FRYL: variants seen among roughly 807,000 people sequenced by gnomAD.
The protein encoded by FRYL is FRY like transcription coactivator.
Under a neutral mutation model 351.2 loss-of-function variants are expected in FRYL, and 150 were observed. The observed-to-expected ratio is 0.43, with a 90% confidence interval of 0.37 to 0.49. The LOEUF (loss-of-function observed/expected upper bound fraction) is 0.49, where lower values mean the gene tolerates loss of function less well. Ranked by LOEUF, FRYL falls within the 20% of genes least tolerant of loss-of-function variation. The pLI is 0.00. For missense variants in FRYL, 3,036 were observed against 3,619.3 expected (o/e 0.84, Z 4.13); for synonymous variants, 1,153 against 1,257.1 (o/e 0.92, Z 1.75).
Position 48,546,288 on chromosome 4 carries a change from G to T in FRYL, c.5075-17C>A. Reference sequence around the variant, plus strand: ...TAATGCCTGCTGAAAGAGAAAGATCGTCATGAATACCTAAAACATGAAAGA... The same window carrying T: ...TAATGCCTGCTGAAAGAGAAAGATCTTCATGAATACCTAAAACATGAAAGA... On this transcript the variant is annotated splice_polypyrimidine_tract_variant and intron_variant, in intron 41 of 63. Coordinates refer to ENST00000358350, the MANE Select transcript of FRYL (RefSeq NM_015030.2). 1 of 1,571,894 alleles carries T rather than the reference G, an allele frequency of 6.4e-7. No homozygotes were observed. Among genetic ancestry groups the T allele is most frequent in the Non-Finnish European group, 8.8e-7 (1 of 1,142,526 alleles).
chr4:48,674,753 A>AAAAAAAAAAAAAC, intron 3 of FRYL, among the ~76,000 whole-genome samples: 1 of 151,056 alleles, frequency 6.6e-6, no homozygotes. Context: ...AAAAAAAAAA[A>AAAAAAAAAAAAAC]AAAATAGCAA....
chr4:48,703,312 G>C (rs981527932), intron 2 of FRYL, among the ~76,000 whole-genome samples: 1 of 152,118 alleles, frequency 6.6e-6, no homozygotes. Flanking sequence ...AGAACTGAAA[G>C]AATTTTATAA....
chr4:48,593,898 G>T, intron 16 of FRYL, 32 bp downstream of exon 16: 1 of 1,039,968 alleles, frequency 9.6e-7, no homozygotes, highest in South Asian at 2.2e-5. Context: ...AAAAATCTAG[G>T]ATTTTATATT....
chr4:48,714,630 A>G (rs12018850), intron 1 of FRYL, among the ~76,000 whole-genome samples: 1 of 149,758 alleles, frequency 6.7e-6, no homozygotes, highest in Non-Finnish European at 1.5e-5. Context: ...GCAATAATCA[A>G]TAGCTTACCA....
chr4:48,681,255 G>T, intron 3 of FRYL: 1 of 281,840 alleles, frequency 3.5e-6, no homozygotes, highest in Non-Finnish European at 6.4e-6. Context: ...TTTAGGCGGT[G>T]CTAAACCCCA....
chr4:48,521,183 T>C lies in FRYL; in HGVS notation c.7554A>G (p.Ile2518Met). The C allele has an allele frequency of 3.7e-6, 6 of 1,611,710 alleles. No homozygotes were observed. The highest frequency in any genetic ancestry group is 5.1e-6 in the Non-Finnish European group (6 of 1,178,586). The change falls in exon 55 of 64, where the codon ATA becomes ATG. Residue 2518 changes from isoleucine (I) to methionine (M), a missense_variant. By Grantham distance (10) the Ile-to-Met change is conservative. Coordinates refer to ENST00000358350, the MANE Select transcript of FRYL (RefSeq NM_015030.2). Reference sequence around the variant, plus strand: ...GGAGAAGTAAGTCAGGATGGTCTGGTATTGTTTCATCAGTGGCAGAATCAC... The same window carrying C: ...GGAGAAGTAAGTCAGGATGGTCTGGCATTGTTTCATCAGTGGCAGAATCAC... ...LNSDSATDET[I>M]PDHPDLLLQS... is the part of the protein sequence containing the mutation.
chr4:48,589,952 TA>T, intron 17 of FRYL, 75 bp from the exon 18 acceptor site: 3 of 1,274,740 alleles, frequency 2.4e-6, no homozygotes, highest in Non-Finnish European at 1.1e-6. Flanking sequence ...AATAAAAGCC[TA>T]TTAATCTTTA....
intron 1 of FRYL, among the ~76,000 whole-genome samples, chr4:48,711,137 C>T (rs1357925367): frequency 2.0e-5 from 3 of 152,276 alleles, no homozygotes; most frequent in South Asian, 4.1e-4. Flanking sequence ...GCGGGAGCGA[C>T]ACAGAAGACG....
At chr4:48,643,189 G>A (rs1421203374) in intron 3 of FRYL, among the ~76,000 whole-genome samples, 8 of 152,274 alleles carry the variant, frequency 5.3e-5, no homozygotes, top group South Asian at 2.1e-4. Context: ...CCAGGGACTG[G>A]GGGAGGTTGA....
intron 1 of FRYL, among the ~76,000 whole-genome samples, chr4:48,752,359 T>C (rs1773334901): frequency 6.6e-6 from 1 of 152,266 alleles, no homozygotes; most frequent in Non-Finnish European, 1.5e-5. Context: ...ATGAACCATC[T>C]TGACTCCGGA....
intron 2 of FRYL, among the ~76,000 whole-genome samples, chr4:48,687,173 G>A (rs1173645125): frequency 1.3e-5 from 2 of 152,050 alleles, no homozygotes; most frequent in Non-Finnish European, 2.9e-5. Flanking sequence ...GTAAAGGAGA[G>A]CAATTTTTAC....
intron 49 of FRYL, among the ~76,000 whole-genome samples, chr4:48,533,774 T>C (rs999298233): frequency 2.6e-5 from 4 of 152,196 alleles, no homozygotes; most frequent in Non-Finnish European, 5.9e-5. Context: ...TACATTTAAA[T>C]CAAGTTTAAT....
Position 48,540,651 on chromosome 4 carries a change from C to G in FRYL, c.5997G>C (p.Leu1999Phe). The part of the protein sequence containing the change: ...DVQSTTEPTN[L>F]MATIFWIAAS... ...CTGCTATCCAAAAAATGGTGGCCAT[C>G]AAGTTGGTAGGCTCAGTAGTGGACT... Residue 1999 changes from leucine (L) to phenylalanine (F), a missense_variant, in exon 46 of 64, where the codon TTG (leucine) becomes TTC (phenylalanine). By Grantham distance (22) the Leu-to-Phe change is conservative. Around this residue, in one of 7 missense-constraint regions of FRYL, gnomAD observed 1,987 missense variants for 2,311.7 expected, o/e 0.86. Coordinates refer to ENST00000358350, the MANE Select transcript of FRYL (RefSeq NM_015030.2). The G allele has an allele frequency of 6.2e-7, 1 of 1,613,994 alleles. No homozygotes were observed. Among genetic ancestry groups the G allele is most frequent in the Non-Finnish European group, 8.5e-7 (1 of 1,179,934 alleles).
intron 1 of FRYL, among the ~76,000 whole-genome samples, chr4:48,762,264 A>G (rs146718993): frequency 9.2e-5 from 14 of 152,346 alleles, no homozygotes; most frequent in Non-Finnish European, 1.3e-4. Context: ...ATATTGGCTT[A>G]GATATTATGA....
intron 55 of FRYL, among the ~76,000 whole-genome samples, chr4:48,518,539 G>C (rs574367638): frequency 6.6e-6 from 1 of 152,296 alleles, no homozygotes; most frequent in South Asian, 2.1e-4. Flanking sequence ...AAAATAATCA[G>C]ATCATGTTCT....
intron 13 of FRYL, chr4:48,598,689 C>CCT (rs1285803201): frequency 5.7e-6 from 1 of 176,524 alleles, no homozygotes; most frequent in African/African-American, 2.4e-5. Context: ...CTGCTGTGTG[C>CCT]TACTCTTCTC....
chr4:48,668,755 C>T (rs899627615), intron 3 of FRYL, among the ~76,000 whole-genome samples: 2 of 152,136 alleles, frequency 1.3e-5, no homozygotes, highest in Non-Finnish European at 2.9e-5. Context: ...TTAACCCCAA[C>T]GATAGTCATA....
chr4:48,633,646 A>G (rs1753684963), intron 4 of FRYL, among the ~76,000 whole-genome samples: 1 of 152,182 alleles, frequency 6.6e-6, no homozygotes. Flanking sequence ...ACTTTCATTC[A>G]AAATGCCCCC....
At chr4:48,552,422 T>C (rs1284779165) in intron 36 of FRYL, among the ~76,000 whole-genome samples, 4 of 126,814 alleles carry the variant, frequency 3.2e-5, no homozygotes, top group Non-Finnish European at 6.6e-5. Flanking sequence ...AAGTTCCATA[T>C]ATACTTATAG....
Sources: gnomAD v4.1 joint callset for allele counts (sites outside exome capture counted in the v4.1 genomes callset) on GRCh38, gnomAD v4.1.1 for gene constraint, gnomAD v4.1.1 regional missense constraint, MANE v1.5 for transcripts, NCBI Gene and HGNC (gene_info 2026-07-23, HGNC 2026-07-21) for gene names.